Variants in PDS5B observed in about 807,000 individuals in gnomAD.
PDS5B encodes the protein PDS5 cohesin associated factor B, also known as sister chromatid cohesion protein PDS5 homolog B.
A neutral mutation model predicts 184.1 loss-of-function variants in PDS5B; 51 were observed. The ratio of observed to expected loss-of-function variants is 0.28; its 90% CI spans 0.22 to 0.35. The LOEUF (loss-of-function observed/expected upper bound fraction) is 0.35. Ranked by LOEUF, PDS5B falls within the 10% of genes least tolerant of loss-of-function variation. The pLI, the probability that PDS5B is intolerant of heterozygous loss-of-function variation, is 1.00. For synonymous variants in PDS5B, 566 were observed against 569.2 expected (o/e 0.99, Z 0.08); for missense variants, 1,180 against 1,723.3 (o/e 0.68, Z 5.58).
chr13:32,637,216 TAATGATTTCATTTACATTTTG>T (rs2058577195), intron 1 of PDS5B, among the ~76,000 whole-genome samples: 1 of 98,092 alleles, frequency 1.0e-5, no homozygotes, highest in Admixed American at 1.2e-4. Flanking sequence ...AAGTAATGGC[TAATGATTTCATTTACATTTTG>T]AAGTAATGTA....
intron 24 of PDS5B, among the ~76,000 whole-genome samples, chr13:32,751,413 C>T (rs1336398419): frequency 6.6e-6 from 1 of 152,166 alleles, no homozygotes; most frequent in East Asian, 1.9e-4. Context: ...GTCCTGTTTT[C>T]AGTTCTTTGA....
rs1255552301 is a variant in PDS5B, at chr13:32,759,631, T to G, written c.3313T>G (p.Phe1105Val). The G allele has an allele frequency of 6.5e-7, 1 of 1,539,148 alleles. No homozygotes were observed. The highest frequency in any genetic ancestry group is 8.9e-7 in the Non-Finnish European group (1 of 1,121,206). ...ARFFTQPDKN[F>V]SNTKNYLPPE... ...CTTCTTTTTCTCTTGGTTGTAGAAT[T>G]TCAGTAACACCAAAAATTATCTGCC... is the stretch of plus-strand genomic sequence containing the variant. Residue 1105 changes from phenylalanine to valine, a missense_variant, in exon 29 of 35, where the codon TTC (phenylalanine) becomes GTC (valine). Transcript: ENST00000315596.
At chr13:32,679,638 CA>C (rs781188988) in intron 10 of PDS5B, among the ~76,000 whole-genome samples, 2,633 of 142,254 alleles carry the variant, frequency 0.019, 23 homozygotes, top group Non-Finnish European at 0.019. Context: ...CTCTTTATCT[CA>C]AAAAAAAAAA....
At chr13:32,722,277 G>A (rs987054766) in intron 19 of PDS5B, among the ~76,000 whole-genome samples, 12 of 152,238 alleles carry the variant, frequency 7.9e-5, no homozygotes, top group Non-Finnish European at 1.3e-4. Context: ...AATCAGGCAG[G>A]GAGGTTGCAG....
intron 33 of PDS5B, among the ~76,000 whole-genome samples, chr13:32,772,797 A>C (rs1954834384): frequency 6.6e-6 from 1 of 152,158 alleles, no homozygotes; most frequent in African/African-American, 2.4e-5. Context: ...GGAGATGTGG[A>C]GAGAAGTGAA....
intron 1 of PDS5B, among the ~76,000 whole-genome samples, chr13:32,620,396 G>A (rs1030014610): frequency 1.3e-5 from 2 of 152,070 alleles, no homozygotes; most frequent in South Asian, 2.1e-4. Flanking sequence ...GGTGGCTCAC[G>A]CCTGTAATCC....
chr13:32,694,604 A>T (rs1951650267), intron 14 of PDS5B, among the ~76,000 whole-genome samples: 1 of 151,920 alleles, frequency 6.6e-6, no homozygotes, highest in African/African-American at 2.4e-5. Context: ...TTGAAAGCAT[A>T]GAAAATCGAA....
At position 32,613,849 on chromosome 13, in the gene PDS5B, C is replaced by G. The variant is rs1382812490; in HGVS notation, c.-20+27256C>G. 2.0e-5 allele frequency among the ~76,000 whole-genome samples: 3 copies of G among 152,126 alleles called. No individual in the cohort carries two copies. The East Asian group carries it at 5.8e-4, about 29-fold the overall frequency. ...AGGATTTAAATCTCTGTTTTTGCCT[C>G]TAAGAATTTTATAGTTTTAGCTCTT... On this transcript the variant is annotated intron_variant, in intron 1 of 34. Transcript: ENST00000315596.
intron 6 of PDS5B, among the ~76,000 whole-genome samples, chr13:32,660,972 A>G (rs1357408565): frequency 6.6e-6 from 1 of 152,210 alleles, no homozygotes; most frequent in Admixed American, 6.5e-5. Context: ...ACTGAATAAA[A>G]CATTCTGACA....
At chr13:32,721,534 G>C (rs1413998969) in intron 19 of PDS5B, among the ~76,000 whole-genome samples, 6 of 148,618 alleles carry the variant, frequency 4.0e-5, no homozygotes, top group Non-Finnish European at 9.0e-5. Context: ...CGGGGTGGCG[G>C]CCGGGCAGAG....
intron 24 of PDS5B, among the ~76,000 whole-genome samples, chr13:32,751,634 T>G (rs1328420979): frequency 6.6e-6 from 1 of 152,238 alleles, no homozygotes; most frequent in Non-Finnish European, 1.5e-5. Context: ...TTCATATGCT[T>G]GTTGTCTGTG....
rs1351489829 is a variant in PDS5B, at chr13:32,777,553, A to G, written c.*2501A>G. ...ATTGTTAGCAAACTATTTCAGTGAT[A>G]ATGTTCATTTTGAAAATATGTACTG... On this transcript the variant is annotated 3_prime_UTR_variant, in exon 35 of 35. Transcript: ENST00000315596. 1 of 152,332 alleles carries G rather than the reference A, an allele frequency of 6.6e-6. No homozygotes were observed. The highest frequency in any genetic ancestry group is 1.9e-4 in the East Asian group (1 of 5,184). 9.4% of individuals were successfully genotyped at this position (152,332 alleles called of 1,614,324 possible).
intron 1 of PDS5B, among the ~76,000 whole-genome samples, chr13:32,627,055 A>G (rs2058381254): frequency 6.6e-6 from 1 of 152,172 alleles, no homozygotes; most frequent in Non-Finnish European, 1.5e-5. Context: ...TAGCTTCTCA[A>G]AGATAATATT....
rs556255313 is a variant in PDS5B, at chr13:32,665,037, T to C, written c.625-2727T>C. Among the ~76,000 whole-genome samples, 9 of 152,116 alleles carry C rather than the reference T, an allele frequency of 5.9e-5. No homozygotes were observed. The South Asian group carries it at 1.9e-3, about 32-fold the overall frequency. On this transcript the variant is annotated intron_variant, in intron 6 of 34. Transcript: ENST00000315596. ...CATGTGTCCCTTTGGCTATAATCAG[T>C]CAGTGATAGACAAAGGGACATATGG...
intron 1 of PDS5B, among the ~76,000 whole-genome samples, chr13:32,615,201 G>A (rs1022476029): frequency 5.3e-5 from 8 of 152,078 alleles, no homozygotes; most frequent in Non-Finnish European, 1.0e-4. Flanking sequence ...TATATAGTTT[G>A]TTGTATCTGA....
intron 1 of PDS5B, among the ~76,000 whole-genome samples, chr13:32,641,725 A>C (rs1441046278): frequency 6.6e-6 from 1 of 151,848 alleles, no homozygotes; most frequent in African/African-American, 2.4e-5. Context: ...ATCTCAGCTC[A>C]CCCTACTCAT....
In PDS5B at chr13:32,758,206, C is replaced by A; in HGVS notation, c.3176C>A (p.Ala1059Glu). ...AAAGATGCCCAAGGACCAGATGATG[C>A]AAAAATGAATGAAGTATGTAATTCT... Reference protein sequence around the residue: ...QTKDAQGPDDAKMNEKLYTVC... With the variant: ...QTKDAQGPDDEKMNEKLYTVC... Residue 1059 changes from alanine (A) to glutamate (E), a missense_variant, in exon 27 of 35, where the codon GCA becomes GAA. Around this residue, in one of 11 missense-constraint regions of PDS5B, gnomAD observed 465 missense variants for 497.8 expected, o/e 0.93. Coordinates refer to ENST00000315596, the MANE Select transcript of PDS5B (RefSeq NM_015032.4). 6.6e-7 allele frequency: 1 copy of A among 1,523,448 alleles called. No homozygotes were observed. The highest frequency in any genetic ancestry group is 1.3e-5 in the South Asian group (1 of 79,170). The allele number at this position is 1,523,448 out of a possible 1,614,324, so 94.4% of individuals were successfully genotyped here. A position where few individuals can be genotyped will look rare whatever the true frequency, so the allele number is the denominator to read the frequency against.
At chr13:32,730,270 AT>A (rs1387756615) in intron 19 of PDS5B, among the ~76,000 whole-genome samples, 1 of 151,926 alleles carries the variant, frequency 6.6e-6, no homozygotes, top group Non-Finnish European at 1.5e-5. Flanking sequence ...GTGTAATGTT[AT>A]TTCTGTGGCC....
chr13:32,774,004 A>G (rs1426111849), intron 34 of PDS5B, among the ~76,000 whole-genome samples: 11 of 152,094 alleles, frequency 7.2e-5, no homozygotes. Context: ...GGGTTTTACC[A>G]TGTTGGTCAG....
Sources: gnomAD v4.1 joint callset for allele counts (sites outside exome capture counted in the v4.1 genomes callset) on GRCh38, gnomAD v4.1.1 for gene constraint, gnomAD v4.1.1 regional missense constraint, MANE v1.5 for transcripts, NCBI Gene and HGNC (gene_info 2026-07-23, HGNC 2026-07-21) for gene names.